Variants in ADGRL3 observed in about 807,000 individuals in gnomAD.
The protein encoded by ADGRL3 is calcium-independent alpha-latrotoxin receptor 3.
In ADGRL3, 62 loss-of-function variants were observed where a neutral mutation model predicts 153.5. That is an observed-to-expected ratio of 0.40 (90% CI 0.33 to 0.50). ADGRL3 has a LOEUF of 0.50. Ranked by LOEUF, ADGRL3 falls within the 20% of genes least tolerant of loss-of-function variation. The pLI is 0.47. For missense variants in ADGRL3, 1,641 were observed against 1,859.4 expected (o/e 0.88, Z 2.16); for synonymous variants, 710 against 672.5 (o/e 1.06, Z -0.86).
chr4:61,457,176 A>G (rs2097764462), intron 2 of ADGRL3, among the ~76,000 whole-genome samples: 1 of 152,024 alleles, frequency 6.6e-6, no homozygotes, highest in Admixed American at 6.6e-5. Flanking sequence ...AAAATTTATA[A>G]TGCCCCAATT....
At chr4:61,643,270 T>C (rs2093780634) in intron 5 of ADGRL3, among the ~76,000 whole-genome samples, 1 of 151,916 alleles carries the variant, frequency 6.6e-6, no homozygotes, top group Admixed American at 6.6e-5. Flanking sequence ...CCTAATTGAA[T>C]ACCCTTTATT....
intron 25 of ADGRL3, among the ~76,000 whole-genome samples, chr4:62,067,286 T>C (rs1188411081): frequency 2.6e-5 from 4 of 152,046 alleles, no homozygotes; most frequent in Non-Finnish European, 5.9e-5. Context: ...TACTTTACCC[T>C]TTTTGTAGAC....
At chr4:61,643,114 C>T (rs79120056) in intron 5 of ADGRL3, among the ~76,000 whole-genome samples, 56,132 of 151,964 alleles carry the variant, frequency 0.37, 12,019 homozygotes, top group Non-Finnish European at 0.5. Flanking sequence ...TATAAGAATG[C>T]TTGTGATTTT....
intron 25 of ADGRL3, among the ~76,000 whole-genome samples, chr4:62,057,037 C>G (rs1737400095): frequency 6.6e-6 from 1 of 151,994 alleles, no homozygotes; most frequent in South Asian, 2.1e-4. Flanking sequence ...AAAATAAAGT[C>G]TGAGGGCAGA....
At chr4:61,510,065 C>A (rs2098455232) in intron 3 of ADGRL3, among the ~76,000 whole-genome samples, 1 of 152,142 alleles carries the variant, frequency 6.6e-6, no homozygotes, top group Non-Finnish European at 1.5e-5. Context: ...TGTATGTCTT[C>A]TTTTGCGAAG....
At chr4:62,059,365 T>C (rs890678940) in intron 25 of ADGRL3, among the ~76,000 whole-genome samples, 1 of 152,148 alleles carries the variant, frequency 6.6e-6, no homozygotes, top group Non-Finnish European at 1.5e-5. Flanking sequence ...TTGTTTCTGT[T>C]GCTGAAGACC....
chr4:61,370,560 T>A (rs2096500483), intron 1 of ADGRL3, among the ~76,000 whole-genome samples: 1 of 152,228 alleles, frequency 6.6e-6, no homozygotes, highest in Admixed American at 6.5e-5. Flanking sequence ...TTCTTAATCC[T>A]GAGTTCTAGT....
intron 5 of ADGRL3, among the ~76,000 whole-genome samples, chr4:61,673,514 A>G (rs1170700882): frequency 1.3e-5 from 2 of 151,718 alleles, no homozygotes; most frequent in Non-Finnish European, 3.0e-5. Context: ...TTTCATCTAT[A>G]ATATTTTAGA....
intron 2 of ADGRL3, among the ~76,000 whole-genome samples, chr4:61,441,319 C>T (rs987115407): frequency 6.6e-5 from 10 of 152,138 alleles, no homozygotes; most frequent in Admixed American, 2.6e-4. Context: ...ACCACCACCT[C>T]CTCATTTCAT....
chr4:61,677,697 A>G (rs1373192238), intron 6 of ADGRL3, among the ~76,000 whole-genome samples: 3 of 152,026 alleles, frequency 2.0e-5, no homozygotes, highest in African/African-American at 7.2e-5. Flanking sequence ...TATTCAGCTT[A>G]TCCCAGAGAT....
At chr4:61,753,343 GT>G (rs1471601025) in intron 8 of ADGRL3, among the ~76,000 whole-genome samples, 1 of 152,154 alleles carries the variant, frequency 6.6e-6, no homozygotes, top group African/African-American at 2.4e-5. Flanking sequence ...GGCTCAAAGT[GT>G]CTTTAGATGA....
intron 9 of ADGRL3, among the ~76,000 whole-genome samples, chr4:61,839,803 T>C (rs1016995134): frequency 2.6e-5 from 4 of 151,658 alleles, no homozygotes; most frequent in African/African-American, 9.7e-5. Flanking sequence ...AAATTAAATT[T>C]GCTGTACATG....
At chr4:61,642,201 G>A (rs935364601) in intron 5 of ADGRL3, among the ~76,000 whole-genome samples, 2 of 151,080 alleles carry the variant, frequency 1.3e-5, no homozygotes, top group Non-Finnish European at 3.0e-5. Context: ...TTTGTCAGAT[G>A]AGTAGGTTGC....
chr4:61,864,632 C>G (rs1187334546), intron 9 of ADGRL3, among the ~76,000 whole-genome samples: 10 of 152,092 alleles, frequency 6.6e-5, no homozygotes, highest in Admixed American at 6.6e-4. Context: ...GTCTATGATT[C>G]CTTTTATTTG....
intron 8 of ADGRL3, among the ~76,000 whole-genome samples, chr4:61,754,146 T>G (rs2096791325): frequency 6.6e-6 from 1 of 152,228 alleles, no homozygotes; most frequent in Admixed American, 6.5e-5. Flanking sequence ...TCCTTAAAAC[T>G]TTCTAGTCAT....
At chr4:61,485,688 G>T (rs893461477) in intron 2 of ADGRL3, among the ~76,000 whole-genome samples, 2 of 152,112 alleles carry the variant, frequency 1.3e-5, no homozygotes, top group Non-Finnish European at 2.9e-5. Flanking sequence ...CCACTGGAAG[G>T]AGTTGGAATA....
At chr4:61,748,791 T>C (rs2096709945) in intron 8 of ADGRL3, among the ~76,000 whole-genome samples, 1 of 151,928 alleles carries the variant, frequency 6.6e-6, no homozygotes, top group African/African-American at 2.4e-5. Flanking sequence ...ATTCAGGACA[T>C]AGGCATGGGC....
intron 8 of ADGRL3, among the ~76,000 whole-genome samples, chr4:61,744,042 G>A (rs533348354): frequency 3.3e-5 from 5 of 152,226 alleles, no homozygotes; most frequent in Admixed American, 1.3e-4. Flanking sequence ...CTTAAAAAAC[G>A]GCACACCAGG....
intron 19 of ADGRL3, among the ~76,000 whole-genome samples, chr4:61,986,304 T>C (rs537078423): frequency 4.5e-4 from 69 of 152,332 alleles, no homozygotes; most frequent in African/African-American, 1.7e-3. Flanking sequence ...AAATTACATT[T>C]TTCTTTTACA....
Sources: gnomAD v4.1 joint callset for allele counts (sites outside exome capture counted in the v4.1 genomes callset) on GRCh38, gnomAD v4.1.1 for gene constraint, MANE v1.5 for transcripts, NCBI Gene and HGNC (gene_info 2026-07-23, HGNC 2026-07-21) for gene names.